Variants in HLA-C observed in about 807,000 individuals in gnomAD.
The protein encoded by HLA-C is major histocompatibility complex, class I, C.
A neutral mutation model predicts 36.9 loss-of-function variants in HLA-C; 15 were observed. That is an observed-to-expected ratio of 0.41 (90% CI 0.27 to 0.63). The LOEUF (loss-of-function observed/expected upper bound fraction) is 0.63, where lower values mean the gene tolerates loss of function less well. HLA-C is among the 20% of genes least tolerant of loss of function. HLA-C has a pLI of 0.35. For synonymous variants in HLA-C, 104 were observed against 174.3 expected, an observed-to-expected ratio of 0.60 and a Z score of 3.18; for missense variants, 272 against 400.4, an observed-to-expected ratio of 0.68 and a Z score of 2.74.
At chr6:31,269,220 G>A in intron 7 of HLA-C, 47 bp from the exon 8 acceptor site, 1 of 1,188,688 alleles carries the variant, frequency 8.4e-7, no homozygotes, top group Non-Finnish European at 1.2e-6. Flanking sequence ...GTCATGGTAA[G>A]CGATGACACT....
intron 7 of HLA-C, 54 bp from the exon 8 acceptor site, chr6:31,269,227 C>A: frequency 9.4e-7 from 1 of 1,065,208 alleles, no homozygotes; most frequent in Non-Finnish European, 1.3e-6. Context: ...TAAGCGATGA[C>A]ACTCTGAACG....
exon 2 of HLA-C, chr6:31,271,755 C>A (rs281860364): frequency 1.4e-6 from 2 of 1,442,494 alleles, no homozygotes; most frequent in Admixed American, 1.9e-5. Flanking sequence ...CTCGCGGCGT[C>A]GCTGTCGAAC....
In HLA-C at chr6:31,270,313, G is replaced by A. The variant is rs761788831; in HGVS notation, c.792C>T (p.Thr264=). The A allele has an allele frequency of 3.3e-6, 3 of 915,180 alleles. 1 individual carries two copies. The highest frequency in any genetic ancestry group is 4.3e-6 in the Non-Finnish European group (3 of 702,776). The allele number at this position is 915,180 out of a possible 1,614,324, so 56.7% of individuals were successfully genotyped here. The change falls in exon 4 of 8, where the codon ACC becomes ACT. Residue 264 remains threonine (T), a synonymous_variant. Coordinates refer to ENST00000376228, the Ensembl canonical transcript of HLA-C. Reference sequence around the variant, plus strand: ...CCACCACAGCTGCCCACTTCTGGAAGGTTCCATCTCCTGCTGGCCTGGTCT... The same window carrying A: ...CCACCACAGCTGCCCACTTCTGGAAAGTTCCATCTCCTGCTGGCCTGGTCT...
intron 3 of HLA-C, 122 bp downstream of exon 3, chr6:31,270,951 G>C (rs9264651): frequency 0.018 from 9,127 of 496,012 alleles, 2,952 homozygotes; most frequent in South Asian, 0.065. Flanking sequence ...GAAAACTCAT[G>C]CCATTCTCCA....
At chr6:31,272,063 G>C in exon 1 of HLA-C, 1 of 1,016,910 alleles carries the variant, frequency 9.8e-7, no homozygotes, top group Non-Finnish European at 1.3e-6. Flanking sequence ...GGGGCGCCAT[G>C]ACCCGCATCT....
In HLA-C at chr6:31,271,584, G is replaced by C; in HGVS notation, c.343+15C>G. ...GGAGGGGTCGTGACCTGCGCCCCGGGCCGGGGTCACTCACCGTCCTCGCTC... is the reference window on the plus strand; with the variant it reads ...GGAGGGGTCGTGACCTGCGCCCCGGCCCGGGGTCACTCACCGTCCTCGCTC... On this transcript the variant is annotated intron_variant, in intron 2 of 7. Transcript: ENST00000376228. The C allele has an allele frequency of 1.6e-6, 2 of 1,225,786 alleles. No homozygotes were observed. The highest frequency in any genetic ancestry group is 1.1e-6 in the Non-Finnish European group (1 of 909,670). The allele number at this position is 1,225,786 out of a possible 1,614,324, so 75.9% of individuals were successfully genotyped here. A position where few individuals can be genotyped will look rare whatever the true frequency, so the allele number is the denominator to read the frequency against.
intron 5 of HLA-C, 21 bp downstream of exon 5, chr6:31,269,945 C>T: frequency 2.4e-6 from 2 of 831,542 alleles, no homozygotes; most frequent in Non-Finnish European, 1.5e-6. Context: ...ACCCAGACCC[C>T]GCTCTTCACC....
chr6:31,270,969 G>A, intron 3 of HLA-C, 104 bp downstream of exon 3: 1 of 656,886 alleles, frequency 1.5e-6, no homozygotes, highest in African/African-American at 4.3e-5. Context: ...CCATTCAAGG[G>A]AGGGCGATAT....
chr6:31,271,101 C>T lies in HLA-C; in HGVS notation c.591G>A (p.Glu197=), dbSNP rs281860542. Reference sequence around the variant, plus strand: ...CGCGCTGCAGCGTCTCCTTCCCGTTCTCCAGGTATCTGCGGAGCCACTCCA... The same window carrying T: ...CGCGCTGCAGCGTCTCCTTCCCGTTTTCCAGGTATCTGCGGAGCCACTCCA... The change falls in exon 3 of 8, where the codon GAG becomes GAA. Residue 197 remains glutamate (E), a synonymous_variant. Transcript: ENST00000376228. 15 of 1,134,962 alleles carry T rather than the reference C, an allele frequency of 1.3e-5. 4 individuals carry two copies. Among genetic ancestry groups the T allele is most frequent in the South Asian group, 4.3e-5 (3 of 70,562 alleles). 70.3% of individuals were successfully genotyped at this position (1,134,962 alleles called of 1,614,324 possible). A position where few individuals can be genotyped will look rare whatever the true frequency, so the allele number is the denominator to read the frequency against.
intron 3 of HLA-C, 148 bp from the exon 4 acceptor site, chr6:31,270,633 TG>T: frequency 4.1e-6 from 2 of 488,142 alleles, no homozygotes. Context: ...CACAGGCACC[TG>T]GGATAATCTC....
In HLA-C at chr6:31,270,189, A is replaced by AC. The variant is rs1358316753; in HGVS notation, c.895+20dup. ...TCTGCTTTCTCTGATAAGAGATGTGACCCCCCATTCCCCTCCTTACCCCAG... is the reference window on the plus strand; with the variant it reads ...TCTGCTTTCTCTGATAAGAGATGTGACCCCCCCATTCCCCTCCTTACCCCAG... On this transcript the variant is annotated intron_variant, in intron 4 of 7. Coordinates refer to ENST00000376228, the Ensembl canonical transcript of HLA-C. The AC allele has an allele frequency of 6.0e-6, 5 of 831,090 alleles. 2 individuals are homozygous for AC. The highest frequency in any genetic ancestry group is 7.6e-6 in the Non-Finnish European group (5 of 659,252). 51.5% of individuals were successfully genotyped at this position (831,090 alleles called of 1,614,324 possible).
rs1761330706 is a variant in HLA-C at position 31,271,333 on chromosome 6, TG to T, written c.358del (p.Gln120ArgfsTer31). The stretch of plus-strand genomic sequence containing the variant: ...CCCCAGGTCGCAGCCAGACATCCTC[TG>T]GAGGGTGTGAGACCCTGGCCCCGCC... On this transcript the variant is annotated frameshift_variant, in exon 3 of 8. Transcript: ENST00000376228. LOFTEE classifies it high-confidence loss of function. The T allele has an allele frequency of 2.0e-6, 2 of 1,001,754 alleles. No homozygotes were observed. Among genetic ancestry groups the T allele is most frequent in the Non-Finnish European group, 2.6e-6 (2 of 756,156 alleles). 62.1% of individuals were successfully genotyped at this position (1,001,754 alleles called of 1,614,324 possible). A position where few individuals can be genotyped will look rare whatever the true frequency, so the allele number is the denominator to read the frequency against.
chr6:31,272,013 G>A lies in HLA-C; in HGVS notation c.59C>T (p.Thr20Ile), dbSNP rs41549413. The change falls in exon 1 of 8, where the codon ACC (threonine) becomes ATC (isoleucine). Residue 20 changes from threonine to isoleucine, a missense_variant. Coordinates refer to ENST00000376228, the Ensembl canonical transcript of HLA-C. Reference sequence around the variant, plus strand: ...CCCGCACTCACAGGCCCAGGTCTCGGTCAGGGCCAGGCCTCCCGAGAGCAG... The same window carrying A: ...CCCGCACTCACAGGCCCAGGTCTCGATCAGGGCCAGGCCTCCCGAGAGCAG... The A allele has an allele frequency of 4.1e-3, 4,337 of 1,054,262 alleles. 155 individuals are homozygous for A. The highest frequency in any genetic ancestry group is 0.037 in the Middle Eastern group (115 of 3,140). 65.3% of individuals were successfully genotyped at this position (1,054,262 alleles called of 1,614,324 possible). A position where few individuals can be genotyped will look rare whatever the true frequency, so the allele number is the denominator to read the frequency against.
chr6:31,271,883 G>T lies in HLA-C; in HGVS notation c.74-15C>A, dbSNP rs41559317. On this transcript the variant is annotated splice_polypyrimidine_tract_variant and intron_variant, in intron 1 of 7. Transcript: ENST00000376228. Reference sequence around the variant, plus strand: ...GGAGTGGGAGCCTGGGGGCGAGGAGGGGCTGAGACCCGCCCGACCCACCTC... The same window carrying T: ...GGAGTGGGAGCCTGGGGGCGAGGAGTGGCTGAGACCCGCCCGACCCACCTC... 0.029 allele frequency: 34,324 copies of T among 1,181,846 alleles called. 3,959 individuals carry two copies. The highest frequency in any genetic ancestry group is 0.085 in the Admixed American group (3,157 of 36,926). 73.2% of individuals were successfully genotyped at this position (1,181,846 alleles called of 1,614,324 possible). A position where few individuals can be genotyped will look rare whatever the true frequency, so the allele number is the denominator to read the frequency against.
At chr6:31,272,021 C>G (rs1226121714) in exon 1 of HLA-C, 1 of 1,058,190 alleles carries the variant, frequency 9.5e-7, no homozygotes. Context: ...CGGTCAGGGC[C>G]AGGCCTCCCG....
chr6:31,269,061 C>T (rs747137926), exon 8 of HLA-C: 5 of 727,128 alleles, frequency 6.9e-6, no homozygotes, highest in Non-Finnish European at 4.8e-6. Context: ...CTAACAGGAA[C>T]GCAGACACAT....
exon 8 of HLA-C, chr6:31,269,116 CA>C: frequency 7.3e-7 from 1 of 1,375,942 alleles, no homozygotes. Flanking sequence ...CTTGAAGTCA[CA>C]AAGGAGAGGT....
In HLA-C at chr6:31,270,278, C is replaced by A; in HGVS notation, c.827G>T (p.Gly276Val). The change falls in exon 4 of 8, where the codon GGA (glycine) becomes GTA (valine). Residue 276 changes from glycine to valine, a missense_variant. Gly to Val is a moderately radical substitution (Grantham distance 109). Around this residue, in one of 8 missense-constraint regions of HLA-C, gnomAD observed 24 missense variants for 78.1 expected, o/e 0.31. Transcript: ENST00000376228. ...ATGGCACGTGTATCTCTGCTCTTGT[C>A]CAGAAGGCACCACCACAGCTGCCCA... 3 of 859,674 alleles carry A rather than the reference C, an allele frequency of 3.5e-6. No individual in the cohort carries two copies. In the South Asian group the frequency reaches 7.3e-5, roughly 21 times the overall value. The allele number at this position is 859,674 out of a possible 1,614,324, so 53.3% of individuals were successfully genotyped here.
At position 31,271,651 on chromosome 6, in the gene HLA-C, A is replaced by T. The variant is rs281860408; in HGVS notation, c.291T>A (p.Ala97=). The change falls in exon 2 of 8, where the codon GCT becomes GCA. Residue 97 remains alanine, a synonymous_variant. Coordinates refer to ENST00000376228, the Ensembl canonical transcript of HLA-C. ...GCAGGTTCCGCAGGCTCACTCGGTC[A>T]GCCTGTGCCTGGCGCTTGTACTTCT... 47 of 1,240,412 alleles carry T rather than the reference A, an allele frequency of 3.8e-5. 13 individuals carry two copies. Among genetic ancestry groups the T allele is most frequent in the Non-Finnish European group, 4.8e-5 (44 of 908,592 alleles). 76.8% of individuals were successfully genotyped at this position (1,240,412 alleles called of 1,614,324 possible). A position where few individuals can be genotyped will look rare whatever the true frequency, so the allele number is the denominator to read the frequency against.
Sources: allele counts gnomAD v4.1 joint callset, GRCh38; gene constraint gnomAD v4.1.1; regional missense constraint gnomAD v4.1.1; transcripts MANE v1.5; gene names NCBI Gene and HGNC (gene_info 2026-07-23, HGNC 2026-07-21).